DCC: variants seen among roughly 807,000 people sequenced by gnomAD.
DCC encodes the protein DCC netrin 1 receptor.
Under a neutral mutation model 172.5 loss-of-function variants are expected in DCC, and 58 were observed. That is an observed-to-expected ratio of 0.34 (90% CI 0.27 to 0.42). The LOEUF is 0.42. Ranked by LOEUF, DCC falls within the 10% of genes least tolerant of loss-of-function variation. The probability of loss-of-function intolerance (pLI) is 1.00; values close to 1 mark genes in which losing one functional copy is unlikely to be tolerated. For missense variants in DCC, 1,740 were observed against 1,791.0 expected, an observed-to-expected ratio of 0.97 and a Z score of 0.51; for synonymous variants, 709 against 644.5, an observed-to-expected ratio of 1.10 and a Z score of -1.52.
At chr18:53,452,622 A>G (rs2045427981) in intron 23 of DCC, among the ~76,000 whole-genome samples, 1 of 152,150 alleles carries the variant, frequency 6.6e-6, no homozygotes, top group African/African-American at 2.4e-5. Flanking sequence ...CCTGAGTATG[A>G]CTTGTTTTTA....
At chr18:53,483,083 C>T (rs545851906) in intron 25 of DCC, among the ~76,000 whole-genome samples, 1 of 151,896 alleles carries the variant, frequency 6.6e-6, no homozygotes, top group East Asian at 1.9e-4. Context: ...CTAGCACTGT[C>T]CTAGAAAAGA....
intron 3 of DCC, among the ~76,000 whole-genome samples, chr18:52,922,442 G>T (rs1444147825): frequency 6.6e-6 from 1 of 152,106 alleles, no homozygotes; most frequent in African/African-American, 2.4e-5. Flanking sequence ...AGCAGCTCAT[G>T]CTATGACCCG....
intron 1 of DCC, among the ~76,000 whole-genome samples, chr18:52,714,612 C>G (rs1416081492): frequency 6.6e-6 from 1 of 152,138 alleles, no homozygotes; most frequent in African/African-American, 2.4e-5. Context: ...GGATAAGCAT[C>G]TCATCCATTT....
intron 2 of DCC, among the ~76,000 whole-genome samples, chr18:52,758,267 G>A (rs1175891883): frequency 6.6e-6 from 1 of 152,062 alleles, no homozygotes; most frequent in African/African-American, 2.4e-5. Flanking sequence ...ACACAATTTG[G>A]TAATCTTTTA....
At chr18:53,209,018 A>T (rs2055704893) in intron 11 of DCC, among the ~76,000 whole-genome samples, 1 of 152,176 alleles carries the variant, frequency 6.6e-6, no homozygotes, top group African/African-American at 2.4e-5. Flanking sequence ...AGCGTGAGCC[A>T]CTGCACCCAG....
At chr18:53,333,028 C>G (rs984378444) in intron 14 of DCC, among the ~76,000 whole-genome samples, 1 of 149,518 alleles carries the variant, frequency 6.7e-6, no homozygotes, top group Admixed American at 6.7e-5. Context: ...TAGCATTGCG[C>G]TACTGCGCTC....
intron 1 of DCC, among the ~76,000 whole-genome samples, chr18:52,453,437 C>A (rs371861519): frequency 6.6e-6 from 1 of 152,172 alleles, no homozygotes; most frequent in African/African-American, 2.4e-5. Context: ...GCCCCTGTAC[C>A]ATGCGATGGG....
intron 22 of DCC, among the ~76,000 whole-genome samples, chr18:53,449,548 G>A (rs2045379405): frequency 6.6e-6 from 1 of 152,146 alleles, no homozygotes. Context: ...TTTATAGATG[G>A]CATCTTCAAA....
intron 7 of DCC, among the ~76,000 whole-genome samples, chr18:53,081,616 T>C (rs1252536035): frequency 1.3e-5 from 2 of 152,116 alleles, no homozygotes; most frequent in African/African-American, 4.8e-5. Flanking sequence ...AAACATTAAT[T>C]ATTTAGCTTG....
chr18:53,393,006 G>A (rs890872217), intron 17 of DCC, among the ~76,000 whole-genome samples: 1 of 152,108 alleles, frequency 6.6e-6, no homozygotes, highest in Non-Finnish European at 1.5e-5. Context: ...TACTCCTTTT[G>A]TGTTCTCTTA....
intron 27 of DCC, among the ~76,000 whole-genome samples, chr18:53,504,084 G>A (rs1304480434): frequency 1.3e-5 from 2 of 152,166 alleles, no homozygotes; most frequent in East Asian, 3.9e-4. Flanking sequence ...GACAGAAAAG[G>A]CGTTTGATTT....
intron 5 of DCC, among the ~76,000 whole-genome samples, chr18:53,004,819 CA>C (rs1171621829): frequency 3.3e-5 from 5 of 152,088 alleles, no homozygotes; most frequent in Admixed American, 3.3e-4. Context: ...TGAGAAGAAA[CA>C]CACTTTAGAG....
intron 5 of DCC, among the ~76,000 whole-genome samples, chr18:52,930,375 T>A (rs977939562): frequency 3.3e-5 from 5 of 152,152 alleles, no homozygotes; most frequent in Non-Finnish European, 7.4e-5. Context: ...AAAGGATCTT[T>A]TGAGCCTAGG....
chr18:53,422,520 A>T (rs1910690025), intron 21 of DCC, among the ~76,000 whole-genome samples: 2 of 152,204 alleles, frequency 1.3e-5, no homozygotes, highest in African/African-American at 4.8e-5. Flanking sequence ...CAAGAAAGTT[A>T]TACCTAAATG....
chr18:52,376,417 T>G (rs904642506), intron 1 of DCC, among the ~76,000 whole-genome samples: 3 of 152,134 alleles, frequency 2.0e-5, no homozygotes, highest in Non-Finnish European at 4.4e-5. Flanking sequence ...TCTCTGAAGA[T>G]TTCTGTTGTG....
chr18:53,055,010 C>T (rs890053284), intron 5 of DCC, among the ~76,000 whole-genome samples: 1 of 151,938 alleles, frequency 6.6e-6, no homozygotes, highest in Non-Finnish European at 1.5e-5. Context: ...ATGTTGTTCC[C>T]CGCTTAGATT....
intron 1 of DCC, among the ~76,000 whole-genome samples, chr18:52,583,400 A>ATTAACTGAAATGAAT (rs1204282852): frequency 6.6e-6 from 1 of 152,218 alleles, no homozygotes; most frequent in Non-Finnish European, 1.5e-5. Context: ...AATATCAGAA[A>ATTAACTGAAATGAAT]TTAACTGAAA....
chr18:52,882,638 G>C (rs1201859450), intron 2 of DCC, among the ~76,000 whole-genome samples: 1 of 151,946 alleles, frequency 6.6e-6, no homozygotes, highest in Non-Finnish European at 1.5e-5. Flanking sequence ...CATGATATTA[G>C]TTTCATTTTT....
At chr18:52,586,628 G>A (rs34907734) in intron 1 of DCC, among the ~76,000 whole-genome samples, 10 of 152,046 alleles carry the variant, frequency 6.6e-5, no homozygotes, top group African/African-American at 1.9e-4. Flanking sequence ...GAAGCAAAAC[G>A]TTTGCTAATG....
Sources: gnomAD v4.1 joint callset for allele counts (sites outside exome capture counted in the v4.1 genomes callset) on GRCh38, gnomAD v4.1.1 for gene constraint, MANE v1.5 for transcripts, NCBI Gene and HGNC (gene_info 2026-07-23, HGNC 2026-07-21) for gene names.